The following CHIC2 variants were observed in gnomAD, a reference collection of about 807,000 sequenced individuals.
CHIC2 encodes the protein cysteine-rich hydrophobic domain-containing protein 2.
In CHIC2, 14 loss-of-function variants were observed where a neutral mutation model predicts 25.9. That is an observed-to-expected ratio of 0.54 (90% CI 0.36 to 0.85). CHIC2 has a LOEUF of 0.85. CHIC2 is among the 40% of genes least tolerant of loss of function. CHIC2 has a pLI of 0.01. For synonymous variants in CHIC2, 70 were observed against 72.0 expected, an observed-to-expected ratio of 0.97 and a Z score of 0.14; for missense variants, 146 against 202.0, an observed-to-expected ratio of 0.72 and a Z score of 1.68.
the CHIC2 span, chr4:54,087,134 G>A: frequency 8.6e-4 from 706 of 821,162 alleles, 4 homozygotes; most frequent in African/African-American, 0.01. Context: ...TTCAGGATCC[G>A]TGAGGAAGAC....
chr4:54,016,313 GATAT>G (rs1715738316), intron 3 of CHIC2, among the ~76,000 whole-genome samples: 1 of 152,098 alleles, frequency 6.6e-6, no homozygotes, highest in South Asian at 2.1e-4. Flanking sequence ...ATCTCATTAT[GATAT>G]ATAGACACAT....
chr4:54,083,086 G>A, the CHIC2 span, among the ~76,000 whole-genome samples: 260 of 132,102 alleles, frequency 2.0e-3, 2 homozygotes, highest in Non-Finnish European at 2.5e-3. Context: ...AGTGATCTCG[G>A]CTCACTGCAA....
At chr4:54,016,822 A>G (rs1438644140) in intron 3 of CHIC2, among the ~76,000 whole-genome samples, 1 of 151,964 alleles carries the variant, frequency 6.6e-6, no homozygotes, top group East Asian at 1.9e-4. Flanking sequence ...TGACAAGTAT[A>G]TAGATTCTAG....
At chr4:54,051,985 T>C (rs1269531594) in intron 1 of CHIC2, among the ~76,000 whole-genome samples, 6 of 152,214 alleles carry the variant, frequency 3.9e-5, no homozygotes, top group African/African-American at 9.6e-5. Flanking sequence ...ATCAGAGTAG[T>C]TGAAAACAAC....
At chr4:54,022,980 T>G (rs1445097684) in intron 3 of CHIC2, among the ~76,000 whole-genome samples, 1 of 152,184 alleles carries the variant, frequency 6.6e-6, no homozygotes, top group African/African-American at 2.4e-5. Flanking sequence ...CTAGCCACCC[T>G]GTGGTGCCAA....
intron 4 of CHIC2, 44 bp downstream of exon 4, chr4:54,014,019 A>C: frequency 1.2e-6 from 2 of 1,604,054 alleles, no homozygotes; most frequent in Non-Finnish European, 1.7e-6. Flanking sequence ...CATACTGTGC[A>C]ATTCAGACCC....
At chr4:54,013,009 C>A (rs1378942228) in intron 5 of CHIC2, among the ~76,000 whole-genome samples, 2 of 151,992 alleles carry the variant, frequency 1.3e-5, no homozygotes, top group Non-Finnish European at 2.9e-5. Flanking sequence ...AGACAAAATT[C>A]CTCAGAAATG....
chr4:54,015,330 CTT>C (rs771611490), intron 3 of CHIC2, among the ~76,000 whole-genome samples: 1 of 151,958 alleles, frequency 6.6e-6, no homozygotes, highest in Non-Finnish European at 1.5e-5. Context: ...TCTGAAGAGT[CTT>C]TTTGGCAAGA....
chr4:54,013,262 T>C (rs984685853), intron 5 of CHIC2, among the ~76,000 whole-genome samples: 9 of 152,152 alleles, frequency 5.9e-5, no homozygotes, highest in Non-Finnish European at 1.2e-4. Context: ...ATTCATTGTA[T>C]ATATATGCCA....
the CHIC2 span, among the ~76,000 whole-genome samples, chr4:54,088,906 G>A: frequency 6.6e-6 from 1 of 152,208 alleles, no homozygotes; most frequent in Non-Finnish European, 1.5e-5. Flanking sequence ...AGGAGTCACA[G>A]AAGATTCAAA....
chr4:54,063,008 C>G (rs1717383290), intron 1 of CHIC2, among the ~76,000 whole-genome samples: 1 of 152,176 alleles, frequency 6.6e-6, no homozygotes, highest in Non-Finnish European at 1.5e-5. Flanking sequence ...CATAAACTAA[C>G]AGGTACTAAA....
chr4:54,029,549 T>G (rs1420210858), intron 3 of CHIC2, among the ~76,000 whole-genome samples: 1 of 152,238 alleles, frequency 6.6e-6, no homozygotes, highest in Non-Finnish European at 1.5e-5. Context: ...CATCATTCCT[T>G]GTTCACTAGA....
chr4:54,077,593 G>GAT, the CHIC2 span, among the ~76,000 whole-genome samples: 91 of 152,274 alleles, frequency 6.0e-4, no homozygotes, highest in African/African-American at 2.2e-3. Flanking sequence ...GGAACAGACA[G>GAT]GTTATTTTGC....
chr4:54,042,024 A>AG (rs1332382586), intron 3 of CHIC2, among the ~76,000 whole-genome samples: 2 of 151,508 alleles, frequency 1.3e-5, no homozygotes, highest in African/African-American at 2.4e-5. Context: ...AAAAAAAAAA[A>AG]GGAAAAAAAA....
At chr4:54,068,510 A>G (rs1415261240), upstream of CHIC2, among the ~76,000 whole-genome samples, 1 of 151,582 alleles carries the variant, frequency 6.6e-6, no homozygotes, top group East Asian at 1.9e-4. Context: ...ATGTTTGTTT[A>G]TAAGTCACAT....
chr4:54,070,110 T>C, the CHIC2 span, among the ~76,000 whole-genome samples: 9,472 of 151,800 alleles, frequency 0.062, 1,013 homozygotes, highest in African/African-American at 0.21. Flanking sequence ...GGTATGGAGG[T>C]AGGGAAGTAG....
At chr4:54,050,866 C>T (rs767968469) in intron 1 of CHIC2, among the ~76,000 whole-genome samples, 1 of 152,048 alleles carries the variant, frequency 6.6e-6, no homozygotes, top group African/African-American at 2.4e-5. Context: ...TAGTTAAGCA[C>T]CACATACTTG....
At chr4:54,017,893 T>C (rs748969925) in intron 3 of CHIC2, among the ~76,000 whole-genome samples, 1 of 152,192 alleles carries the variant, frequency 6.6e-6, no homozygotes. Flanking sequence ...TTTTTCTCAT[T>C]GGTGAACTAG....
At chr4:54,011,103 A>T (rs1715572582) in intron 5 of CHIC2, among the ~76,000 whole-genome samples, 1 of 152,250 alleles carries the variant, frequency 6.6e-6, no homozygotes, top group Admixed American at 6.5e-5. Flanking sequence ...TGATTTTAAA[A>T]GTTTCTAAGT....
Sources: allele counts gnomAD v4.1 joint callset (sites outside exome capture counted in the v4.1 genomes callset), GRCh38; gene constraint gnomAD v4.1.1; transcripts MANE v1.5; gene names NCBI Gene and HGNC (gene_info 2026-07-23, HGNC 2026-07-21).